The following MYOM3 variants were observed in gnomAD, a reference collection of about 807,000 sequenced individuals.
MYOM3 encodes the protein myomesin 3, also known as myomesin-3.
In MYOM3, 155 loss-of-function variants were observed where a neutral mutation model predicts 191.7. That is an observed-to-expected ratio of 0.81 (90% CI 0.71 to 0.92). The LOEUF is 0.92. Among genes scored for constraint, MYOM3 ranks in the 40% least tolerant of loss-of-function variants. The pLI is 0.00. For missense variants in MYOM3, 1,889 were observed against 1,890.6 expected (o/e 1.00, Z 0.02); for synonymous variants, 757 against 762.9 (o/e 0.99, Z 0.13).
At chr1:24,093,170 A>C (rs561219099) in intron 9 of MYOM3, 62 bp from the exon 10 acceptor site, 1 of 1,162,896 alleles carries the variant, frequency 8.6e-7, no homozygotes, top group South Asian at 1.3e-5. Context: ...CCTGGGAACC[A>C]CAGAAACTGG....
intron 25 of MYOM3, among the ~76,000 whole-genome samples, chr1:24,068,858 G>A (rs546013994): frequency 5.0e-4 from 76 of 152,032 alleles, no homozygotes; most frequent in Admixed American, 5.2e-4. Context: ...TGAGTAGCTG[G>A]GATTACAAGC....
chr1:24,072,318 G>A (rs542920592), intron 23 of MYOM3, among the ~76,000 whole-genome samples: 1 of 152,268 alleles, frequency 6.6e-6, no homozygotes, highest in South Asian at 2.1e-4. Flanking sequence ...GCCTGGTTCT[G>A]CATATACTTC....
At chr1:24,057,658 C>T in intron 36 of MYOM3, 31 bp from the exon 37 acceptor site, 3 of 1,603,074 alleles carry the variant, frequency 1.9e-6, no homozygotes, top group Non-Finnish European at 2.6e-6. Context: ...GGAACAGTCT[C>T]ACCTCCTTGT....
At chr1:24,062,935 C>G (rs1237381108) in intron 32 of MYOM3, among the ~76,000 whole-genome samples, 191 bp downstream of exon 32, 1 of 152,196 alleles carries the variant, frequency 6.6e-6, no homozygotes, top group Non-Finnish European at 1.5e-5. Flanking sequence ...TAATCTCTAT[C>G]CTCAACTCCT....
rs1643804135 is a variant in MYOM3, at chr1:24,090,495, G to T, written c.1432+302C>A. Among the ~76,000 whole-genome samples, 6 of 152,332 alleles carry T rather than the reference G, an allele frequency of 3.9e-5. No individual in the cohort carries two copies. In the South Asian group the frequency reaches 1.2e-3, roughly 32 times the overall value. Reference sequence around the variant, plus strand: ...TTAAGGACATCTGACAGGTGCTGGGGTAGGGTGCTCCCTCAGACTGGTCTC... The same window carrying T: ...TTAAGGACATCTGACAGGTGCTGGGTTAGGGTGCTCCCTCAGACTGGTCTC... On this transcript the variant is annotated intron_variant, in intron 12 of 36. Transcript: ENST00000374434.
chr1:24,095,699 G>T (rs1045848525), intron 7 of MYOM3, among the ~76,000 whole-genome samples: 5 of 152,144 alleles, frequency 3.3e-5, no homozygotes, highest in Admixed American at 3.3e-4. Flanking sequence ...GAACGAGCGG[G>T]TTCACATGAA....
intron 21 of MYOM3, among the ~76,000 whole-genome samples, chr1:24,075,783 T>C (rs1422515731): frequency 6.6e-6 from 1 of 152,216 alleles, no homozygotes; most frequent in Non-Finnish European, 1.5e-5. Context: ...TACTGTCTTC[T>C]GCTCCCCCCA....
chr1:24,086,984 T>A (rs1415226896), intron 14 of MYOM3, among the ~76,000 whole-genome samples, 157 bp from the exon 15 acceptor site: 1 of 152,020 alleles, frequency 6.6e-6, no homozygotes, highest in Admixed American at 6.6e-5. Context: ...CCCATCTGCC[T>A]CCTCACCTCT....
intron 1 of MYOM3, among the ~76,000 whole-genome samples, chr1:24,108,934 C>T (rs1320792946): frequency 1.3e-5 from 2 of 152,240 alleles, no homozygotes; most frequent in East Asian, 3.8e-4. Context: ...CTTCTAGCTG[C>T]TTCCAGCTGC....
At position 24,081,504 on chromosome 1, in the gene MYOM3, T is replaced by C. The variant is rs377395049; in HGVS notation, c.2281-48A>G. ...TATGAGGCTGAGGCTGGAGGAGGGATGGGGAACAGAAGCAGTGGTGCGGGA... is the reference window on the plus strand; with the variant it reads ...TATGAGGCTGAGGCTGGAGGAGGGACGGGGAACAGAAGCAGTGGTGCGGGA... On this transcript the variant is annotated intron_variant, in intron 18 of 36. Transcript: ENST00000374434. 118 of 1,600,690 alleles carry C rather than the reference T, an allele frequency of 7.4e-5. No individual in the cohort carries two copies. The Middle Eastern group carries it at 1.0e-3, about 14-fold the overall frequency.
At chr1:24,108,366 C>G in intron 2 of MYOM3, 110 bp downstream of exon 2, 2 of 1,204,776 alleles carry the variant, frequency 1.7e-6, no homozygotes, top group Non-Finnish European at 2.2e-6. Context: ...GCAGGGATGT[C>G]CCTCCCCCCA....
chr1:24,094,746 G>T lies in MYOM3; in HGVS notation c.928+107C>A, dbSNP rs1570881082. 10 of 1,120,734 alleles carry T rather than the reference G, an allele frequency of 8.9e-6. No homozygotes were observed. In the East Asian group the frequency reaches 2.2e-4, roughly 25 times the overall value. 69.4% of individuals were successfully genotyped at this position (1,120,734 alleles called of 1,614,324 possible). A position where few individuals can be genotyped will look rare whatever the true frequency, so the allele number is the denominator to read the frequency against. On this transcript the variant is annotated intron_variant, in intron 9 of 36. Coordinates refer to ENST00000374434, the MANE Select transcript of MYOM3 (RefSeq NM_152372.4). ...CCTCTTCAGCACTTTAGCACAGTTG[G>T]TACTGGTTGGGGAGAGTCTCTGTCC... is the stretch of plus-strand genomic sequence containing the variant.
rs192448388 is a variant in MYOM3, at chr1:24,071,314, C to G, written c.3014-61G>C. The G allele has an allele frequency of 4.3e-4, 658 of 1,545,786 alleles. 1 individual carries two copies. Among genetic ancestry groups the G allele is most frequent in the Middle Eastern group, 2.1e-3 (10 of 4,850 alleles). On this transcript the variant is annotated intron_variant, in intron 24 of 36. Coordinates refer to ENST00000374434, the MANE Select transcript of MYOM3 (RefSeq NM_152372.4). ...CCCCTTCTCCCTTTCCCGCTCCCTTCCAGCCCCACCTTGAGCACACCCTTG... is the reference window on the plus strand; with the variant it reads ...CCCCTTCTCCCTTTCCCGCTCCCTTGCAGCCCCACCTTGAGCACACCCTTG...
rs1421439285 is a variant in MYOM3, at chr1:24,099,554, G to A, written c.656+126C>T. On this transcript the variant is annotated intron_variant, in intron 6 of 36. Coordinates refer to ENST00000374434, the MANE Select transcript of MYOM3 (RefSeq NM_152372.4). ...GTCCCAGGAATCGGTATTTTGACCA[G>A]CACCCTAGAGACTTCTGAAGGAGGT... The A allele has an allele frequency of 1.3e-5, 9 of 713,936 alleles. No homozygotes were observed. The Admixed American group carries it at 2.1e-4, about 16-fold the overall frequency. The allele number at this position is 713,936 out of a possible 1,614,324, so 44.2% of individuals were successfully genotyped here.
In MYOM3 at chr1:24,080,142, C is replaced by A; in HGVS notation, c.2460G>T (p.Leu820=). ...CCATATACAGTGGGGGTTCCCACTG[C>A]AGCACCAGGGATGTGGCCCGCACCT... ...ASEVRATSLV[L]QWEPPLYMGA... Residue 820 remains leucine (L), a synonymous_variant, in exon 20 of 37, where the codon CTG becomes CTT. Coordinates refer to ENST00000374434, the MANE Select transcript of MYOM3 (RefSeq NM_152372.4). The A allele has an allele frequency of 6.2e-7, 1 of 1,613,720 alleles. No individual in the cohort carries two copies. Among genetic ancestry groups the A allele is most frequent in the Non-Finnish European group, 8.5e-7 (1 of 1,179,724 alleles).
Position 24,086,707 on chromosome 1 carries a change from T to A in MYOM3, c.1735A>T (p.Asn579Tyr), listed in dbSNP as rs953479746. 3.1e-6 allele frequency: 5 copies of A among 1,614,032 alleles called. No homozygotes were observed. Among genetic ancestry groups the A allele is most frequent in the Non-Finnish European group, 4.2e-6 (5 of 1,180,018 alleles). Residue 579 changes from asparagine to tyrosine, a missense_variant, in exon 15 of 37, where the codon AAC becomes TAC. Coordinates refer to ENST00000374434, the MANE Select transcript of MYOM3 (RefSeq NM_152372.4). ...GAGGGATCGCTCAGGCCATACTGGTTCATTGCTCGCACTCTGAAGACATAC... is the reference window on the plus strand; with the variant it reads ...GAGGGATCGCTCAGGCCATACTGGTACATTGCTCGCACTCTGAAGACATAC... ...KSYVFRVRAM[N>Y]QYGLSDPSEP...
In MYOM3 at chr1:24,056,850, C is replaced by T. The variant is rs937603456; in HGVS notation, c.*514G>A. ...CACTGGACTGAGGCCTCTTTGCAAG[C>T]AGAACCTGCTTATCAGCTGCCTTTG... On this transcript the variant is annotated 3_prime_UTR_variant, in exon 37 of 37. Transcript: ENST00000374434. 6.5e-6 allele frequency: 1 copy of T among 154,528 alleles called. No homozygotes were observed. The highest frequency in any genetic ancestry group is 2.0e-4 in the South Asian group (1 of 4,916). The allele number at this position is 154,528 out of a possible 1,614,324, so 9.6% of individuals were successfully genotyped here.
intron 5 of MYOM3, among the ~76,000 whole-genome samples, chr1:24,105,104 C>T (rs1230747073): frequency 1.3e-5 from 2 of 151,942 alleles, no homozygotes; most frequent in Non-Finnish European, 2.9e-5. Flanking sequence ...CCTCCCCAGG[C>T]GAGGCCTAGC....
At chr1:24,069,953 A>C (rs1158091614) in intron 25 of MYOM3, among the ~76,000 whole-genome samples, 4 of 152,148 alleles carry the variant, frequency 2.6e-5, no homozygotes, top group Non-Finnish European at 5.9e-5. Context: ...CTGGAGATGA[A>C]ATTCACAAAT....
Sources: allele counts gnomAD v4.1 joint callset (sites outside exome capture counted in the v4.1 genomes callset), GRCh38; gene constraint gnomAD v4.1.1; transcripts MANE v1.5; gene names NCBI Gene and HGNC (gene_info 2026-07-23, HGNC 2026-07-21).